The following ALOX5AP variants were observed in gnomAD, a reference collection of about 807,000 sequenced individuals.
ALOX5AP encodes arachidonate 5-lipoxygenase-activating protein.
ALOX5AP carries 9 observed loss-of-function variants against 18.5 expected under a neutral mutation model. The ratio of observed to expected loss-of-function variants is 0.49; its 90% confidence interval spans 0.29 to 0.85. The LOEUF (loss-of-function observed/expected upper bound fraction) is 0.85. Ranked by LOEUF, ALOX5AP falls within the 40% of genes least tolerant of loss-of-function variation. The pLI, the probability that ALOX5AP is intolerant of heterozygous loss-of-function variation, is 0.08. For missense variants in ALOX5AP, 172 were observed against 202.5 expected, an observed-to-expected ratio of 0.85 and a Z score of 0.91; for synonymous variants, 81 against 78.6, an observed-to-expected ratio of 1.03 and a Z score of -0.16.
intron 1 of ALOX5AP, among the ~76,000 whole-genome samples, chr13:30,741,550 A>G (rs978987406): frequency 6.1e-5 from 2 of 32,740 alleles, no homozygotes; most frequent in African/African-American, 9.6e-5. Context: ...GCCCCTCCCC[A>G]CCCCCACCCC....
At chr13:30,726,916 T>A (rs1324926973) in intron 1 of ALOX5AP, among the ~76,000 whole-genome samples, 1 of 152,196 alleles carries the variant, frequency 6.6e-6, no homozygotes, top group East Asian at 1.9e-4. Context: ...TATCTCAGTA[T>A]TAAGTCACAA....
chr13:30,714,020 C>A (rs1014144272), intron 1 of ALOX5AP, among the ~76,000 whole-genome samples: 5 of 152,116 alleles, frequency 3.3e-5, no homozygotes, highest in African/African-American at 1.2e-4. Context: ...GTTTCTGAAC[C>A]AAATTTCTTC....
At chr13:30,732,007 T>A (rs995923809), upstream of ALOX5AP, among the ~76,000 whole-genome samples, 1 of 152,234 alleles carries the variant, frequency 6.6e-6, no homozygotes, top group Non-Finnish European at 1.5e-5. Context: ...TGATAAGTGT[T>A]CCTCTGCAGC....
intron 2 of ALOX5AP, among the ~76,000 whole-genome samples, chr13:30,750,590 C>T (rs1951844625): frequency 6.6e-6 from 1 of 152,184 alleles, no homozygotes; most frequent in South Asian, 2.1e-4. Context: ...TATTCAGCTT[C>T]TCCAAGCCTG....
In ALOX5AP at chr13:30,741,391, C is replaced by CTTT. The variant is rs34793607; in HGVS notation, c.71-2655_71-2653dup. 1.6e-4 allele frequency among the ~76,000 whole-genome samples: 21 copies of CTTT among 128,770 alleles called. No homozygotes were observed. The East Asian group carries it at 2.2e-3, about 14-fold the overall frequency. The allele number at this position is 128,770 out of a possible 152,430, so 84.5% of individuals were successfully genotyped here. ...ATAATCTCTAGATTACTTGTTTTGT[C>CTTT]TTTTTTTTTTTTTTTTCTTTTTGAG... On this transcript the variant is annotated intron_variant, in intron 1 of 4. Transcript: ENST00000380490.
At chr13:30,731,317 C>A (rs78797034), upstream of ALOX5AP, among the ~76,000 whole-genome samples, 1 of 151,952 alleles carries the variant, frequency 6.6e-6, no homozygotes, top group African/African-American at 2.4e-5. Flanking sequence ...AAAGCCAGAC[C>A]GGCCTGGGCT....
intron 2 of ALOX5AP, among the ~76,000 whole-genome samples, chr13:30,745,680 G>A (rs1951803695): frequency 6.6e-6 from 1 of 152,226 alleles, no homozygotes. Flanking sequence ...ACCATTTGGA[G>A]GAGAGTACAG....
intron 2 of ALOX5AP, among the ~76,000 whole-genome samples, chr13:30,746,050 C>A (rs1482094078): frequency 6.6e-6 from 1 of 152,220 alleles, no homozygotes. Context: ...GTAGTTTCTG[C>A]CACGTGCCCC....
At chr13:30,725,025 G>T (rs558926491) in intron 1 of ALOX5AP, among the ~76,000 whole-genome samples, 76 of 152,312 alleles carry the variant, frequency 5.0e-4, no homozygotes, top group Non-Finnish European at 8.5e-4. Flanking sequence ...GGCTAGCTGA[G>T]GCACTACATC....
Position 30,735,779 on chromosome 13 carries a change from A to G in ALOX5AP, c.70+104A>G, listed in dbSNP as rs187127207. ...ATTGTGTCTGTGTGTGCGCATGCACAAACACTTTTACCTTATCTTTATTTT... is the reference window on the plus strand; with the variant it reads ...ATTGTGTCTGTGTGTGCGCATGCACGAACACTTTTACCTTATCTTTATTTT... On this transcript the variant is annotated intron_variant, in intron 1 of 4. Transcript: ENST00000380490. 1.1e-5 allele frequency: 14 copies of G among 1,263,012 alleles called. No individual in the cohort carries two copies. The East Asian group carries it at 2.9e-4, about 26-fold the overall frequency. 78.2% of individuals were successfully genotyped at this position (1,263,012 alleles called of 1,614,324 possible). A position where few individuals can be genotyped will look rare whatever the true frequency, so the allele number is the denominator to read the frequency against.
intron 2 of ALOX5AP, among the ~76,000 whole-genome samples, chr13:30,750,380 T>A (rs973942325): frequency 6.6e-6 from 1 of 152,228 alleles, no homozygotes; most frequent in Non-Finnish European, 1.5e-5. Flanking sequence ...CCTCCCTTTT[T>A]ATGCCTCTCA....
intron 1 of ALOX5AP, among the ~76,000 whole-genome samples, chr13:30,736,154 A>G (rs1951719392): frequency 6.6e-6 from 1 of 152,028 alleles, no homozygotes; most frequent in Non-Finnish European, 1.5e-5. Context: ...AAATCATCTT[A>G]TTATTTTTCC....
At chr13:30,714,415 G>A (rs1951533315) in intron 1 of ALOX5AP, among the ~76,000 whole-genome samples, 1 of 151,996 alleles carries the variant, frequency 6.6e-6, no homozygotes, top group African/African-American at 2.4e-5. Context: ...CTGACGGGTC[G>A]ATGTGGGGCA....
chr13:30,762,540 G>C (rs986680158), intron 4 of ALOX5AP, among the ~76,000 whole-genome samples: 1 of 151,130 alleles, frequency 6.6e-6, no homozygotes, highest in African/African-American at 2.4e-5. Context: ...AGTGATCTGA[G>C]ATCGTGCCAC....
chr13:30,736,974 C>T (rs1033833656), intron 1 of ALOX5AP, among the ~76,000 whole-genome samples: 8 of 152,180 alleles, frequency 5.3e-5, no homozygotes, highest in African/African-American at 1.9e-4. Context: ...TGGGTACAGG[C>T]GGATAGAGCA....
chr13:30,730,989 T>C (rs1951676468), upstream of ALOX5AP, among the ~76,000 whole-genome samples: 1 of 152,090 alleles, frequency 6.6e-6, no homozygotes, highest in Non-Finnish European at 1.5e-5. Context: ...CAGTGCAGCA[T>C]ATGCATAATT....
At chr13:30,762,798 C>G (rs1348972612) in intron 4 of ALOX5AP, among the ~76,000 whole-genome samples, 1 of 152,058 alleles carries the variant, frequency 6.6e-6, no homozygotes, top group African/African-American at 2.4e-5. Context: ...CCTAAAGATG[C>G]CTTCCCAGGA....
chr13:30,747,917 TTTTTTA>T (rs1951821956), intron 2 of ALOX5AP, among the ~76,000 whole-genome samples: 1 of 152,068 alleles, frequency 6.6e-6, no homozygotes, highest in East Asian at 1.9e-4. Flanking sequence ...TTTCTTTCTG[TTTTTTA>T]TTTTTATTTT....
At chr13:30,732,934 T>C (rs1245643222), upstream of ALOX5AP, among the ~76,000 whole-genome samples, 1 of 151,846 alleles carries the variant, frequency 6.6e-6, no homozygotes, top group Non-Finnish European at 1.5e-5. Flanking sequence ...GGCGGGCAGA[T>C]CACGAGGTCA....
Sources: gnomAD v4.1 joint callset for allele counts (sites outside exome capture counted in the v4.1 genomes callset) on GRCh38, gnomAD v4.1.1 for gene constraint, MANE v1.5 for transcripts, NCBI Gene and HGNC (gene_info 2026-07-23, HGNC 2026-07-21) for gene names.